Variants in KLK14 observed in about 807,000 individuals in gnomAD.
The protein encoded by KLK14 is kallikrein-14.
A neutral mutation model predicts 24.6 loss-of-function variants in KLK14; 21 were observed. That is an observed-to-expected ratio of 0.85 (90% CI 0.61 to 1.23). The LOEUF (loss-of-function observed/expected upper bound fraction) is 1.23. Among genes scored for constraint, KLK14 ranks in the 50% most tolerant of loss-of-function variants. The pLI is 0.00. For missense variants in KLK14, 320 were observed against 338.9 expected (o/e 0.94, Z 0.44); for synonymous variants, 133 against 139.7 (o/e 0.95, Z 0.34).
chr19:51,083,570 A>G (rs935621188), upstream of KLK14, among the ~76,000 whole-genome samples: 1 of 151,918 alleles, frequency 6.6e-6, no homozygotes, highest in Admixed American at 6.6e-5. Context: ...GAATACGAGC[A>G]CAGAGGCAGG....
chr19:51,079,593 G>C lies in KLK14; in HGVS notation c.322C>G (p.His108Asp). ...VTHPNYNSRT[H>D]DNDLMLLQLQ... ...TGCAGCAGCATGAGGTCGTTGTCGTGGGTCCGGGAGTTGTAGTTGGGGTGC... is the reference window on the plus strand; with the variant it reads ...TGCAGCAGCATGAGGTCGTTGTCGTCGGTCCGGGAGTTGTAGTTGGGGTGC... The change falls in exon 4 of 6, where the codon CAC becomes GAC. Residue 108 changes from histidine (H) to aspartate (D), a missense_variant. Coordinates refer to ENST00000650543, the MANE Select transcript of KLK14 (RefSeq NM_001369775.2). 2 of 1,613,852 alleles carry C rather than the reference G, an allele frequency of 1.2e-6. No homozygotes were observed. The highest frequency in any genetic ancestry group is 2.2e-5 in the South Asian group (2 of 91,024).
In KLK14 at chr19:51,078,965, C is replaced by A; in HGVS notation, c.467-14G>T. ...CGGGGTACCTGGCTGGGGGACACTG[C>A]AGGGTTATAACTGGGTCTACCCTCC... On this transcript the variant is annotated splice_polypyrimidine_tract_variant and intron_variant, in intron 4 of 5. Transcript: ENST00000650543. This position sits in a 1 kb window ranked among gnomAD's most constrained non-coding sequence, Gnocchi z 5.0. 3 of 1,612,654 alleles carry A rather than the reference C, an allele frequency of 1.9e-6. No homozygotes were observed. In the South Asian group the frequency reaches 3.3e-5, roughly 18 times the overall value.
At chr19:51,079,965 G>A (rs1047713526) in intron 3 of KLK14, among the ~76,000 whole-genome samples, 1 of 152,336 alleles carries the variant, frequency 6.6e-6, no homozygotes, top group East Asian at 1.9e-4. Flanking sequence ...GATTGGGAGA[G>A]CTTGGCTCCG....
chr19:51,082,659 G>A (rs2074064135), intron 1 of KLK14, 23 bp from the exon 2 acceptor site: 5 of 1,614,162 alleles, frequency 3.1e-6, no homozygotes, highest in Non-Finnish European at 4.2e-6. Context: ...GAGAAAAAGT[G>A]AGAGAGAAGG....
chr19:51,080,552 T>C (rs951973640), intron 3 of KLK14, among the ~76,000 whole-genome samples: 8 of 152,228 alleles, frequency 5.3e-5, no homozygotes, highest in African/African-American at 1.7e-4. Context: ...GTTTATGGCA[T>C]AGATATGGCT....
rs752566180 is a variant in KLK14 at position 51,078,874 on chromosome 19, T to C, written c.544A>G (p.Thr182Ala). ...GCACAGACCATGCCAGGCGTGATGG[T>C]TCTAGGATAGGCCTTCTGGCACACC... ...DEVCQKAYPR[T>A]ITPGMVCAGV... Residue 182 changes from threonine (T) to alanine (A), a missense_variant, in exon 5 of 6, where the codon ACC becomes GCC. Coordinates refer to ENST00000650543, the MANE Select transcript of KLK14 (RefSeq NM_001369775.2). This position sits in a 1 kb window ranked among gnomAD's most constrained non-coding sequence, Gnocchi z 5.0. 1.2e-6 allele frequency: 2 copies of C among 1,614,004 alleles called. No homozygotes were observed. Among genetic ancestry groups the C allele is most frequent in the South Asian group, 2.2e-5 (2 of 91,076 alleles).
intron 1 of KLK14, 32 bp downstream of exon 1, chr19:51,082,690 G>A (rs748910846): frequency 1.9e-5 from 30 of 1,614,036 alleles, no homozygotes; most frequent in African/African-American, 5.3e-5. Context: ...AGAACCGGGG[G>A]CTGAGAGGCA....
intron 3 of KLK14, among the ~76,000 whole-genome samples, chr19:51,081,235 G>A (rs916100097): frequency 2.0e-5 from 3 of 152,228 alleles, no homozygotes; most frequent in African/African-American, 4.8e-5. Flanking sequence ...AATGGGCTAA[G>A]CTTGGTCTCG....
At chr19:51,079,789 AC>A (rs1228945298) in intron 3 of KLK14, 87 bp from the exon 4 acceptor site, 2 of 1,477,806 alleles carry the variant, frequency 1.4e-6, no homozygotes, top group Non-Finnish European at 1.8e-6. Flanking sequence ...TGGCCGGGTG[AC>A]GAGTCTTCCC....
At chr19:51,082,225 C>T (rs1253635660) in intron 2 of KLK14, among the ~76,000 whole-genome samples, 1 of 152,146 alleles carries the variant, frequency 6.6e-6, no homozygotes, top group East Asian at 1.9e-4. Context: ...TCTCCACCTT[C>T]CCTCTGACAA....
chr19:51,080,128 T>C (rs1386795639), intron 3 of KLK14, among the ~76,000 whole-genome samples: 2 of 152,240 alleles, frequency 1.3e-5, no homozygotes, highest in Non-Finnish European at 2.9e-5. Context: ...TTTGACTCTA[T>C]GCTAAGATCA....
chr19:51,082,777 G>T lies in KLK14; in HGVS notation c.-78C>A. 3.7e-6 allele frequency: 6 copies of T among 1,610,756 alleles called. No homozygotes were observed. Among genetic ancestry groups the T allele is most frequent in the Non-Finnish European group, 4.2e-6 (5 of 1,178,680 alleles). ...ACACAGCAGAGAGGTAGGGACCAGA[G>T]ACGAGGGGGGCGGGGCCTGCAGGCT... On this transcript the variant is annotated 5_prime_UTR_variant, in exon 1 of 6. Transcript: ENST00000650543.
intron 3 of KLK14, among the ~76,000 whole-genome samples, chr19:51,080,032 G>A (rs1383823743): frequency 1.3e-5 from 2 of 152,196 alleles, no homozygotes; most frequent in African/African-American, 4.8e-5. Context: ...TGCGTTATGA[G>A]TCTAGGCTCT....
At chr19:51,080,131 T>C (rs996431000) in intron 3 of KLK14, among the ~76,000 whole-genome samples, 9 of 152,236 alleles carry the variant, frequency 5.9e-5, no homozygotes, top group Non-Finnish European at 8.8e-5. Flanking sequence ...GACTCTATGC[T>C]AAGATCAGGA....
At chr19:51,081,317 C>A (rs1337569403) in intron 3 of KLK14, among the ~76,000 whole-genome samples, 2 of 152,152 alleles carry the variant, frequency 1.3e-5, no homozygotes, top group Non-Finnish European at 2.9e-5. Flanking sequence ...GGGTTCCAAG[C>A]TGCCCATCTG....
Position 51,078,037 on chromosome 19 carries a change from G to A in KLK14, c.726C>T (p.Ser242=), listed in dbSNP as rs1182926338. The A allele has an allele frequency of 6.2e-7, 1 of 1,613,938 alleles. No homozygotes were observed. ...GVYTNLCKYR[S]WIEETMRDK is the part of the protein sequence containing the mutation. ...TGTCCCGCATCGTTTCCTCAATCCA[G>A]CTTCTGTACTTGCACAGGTTGGTGT... is the stretch of plus-strand genomic sequence containing the variant. The change falls in exon 6 of 6, where the codon AGC becomes AGT. Residue 242 remains serine (S), a synonymous_variant. Coordinates refer to ENST00000650543, the MANE Select transcript of KLK14 (RefSeq NM_001369775.2). The surrounding 1 kb of genome is among the most constrained non-coding windows in gnomAD (Gnocchi z 5.0).
chr19:51,083,265 G>A (rs1053035669), upstream of KLK14, among the ~76,000 whole-genome samples: 1 of 130,944 alleles, frequency 7.6e-6, no homozygotes, highest in Admixed American at 8.4e-5. Flanking sequence ...GAGAGAGGGA[G>A]TCACGGGAGG....
chr19:51,080,316 A>C (rs1462785403), intron 3 of KLK14, among the ~76,000 whole-genome samples: 1 of 152,148 alleles, frequency 6.6e-6, no homozygotes, highest in Non-Finnish European at 1.5e-5. Flanking sequence ...CTGGGATTAC[A>C]GGCGTGAGCC....
At position 51,078,659 on chromosome 19, in the gene KLK14, A is replaced by G. The variant is rs2032093937; in HGVS notation, c.603+156T>C. ...TCTGAGTCCATTACCCAGGGGGCAC[A>G]GGGCTAGGAAGCAGGGTGGCCTGGC... On this transcript the variant is annotated intron_variant, in intron 5 of 5. Transcript: ENST00000650543. The surrounding 1 kb of genome is among the most constrained non-coding windows in gnomAD (Gnocchi z 5.0). Among the ~76,000 whole-genome samples the G allele has an allele frequency of 6.6e-6, 1 of 152,140 alleles. No homozygotes were observed. Among genetic ancestry groups the G allele is most frequent in the Non-Finnish European group, 1.5e-5 (1 of 68,020 alleles).
Sources: allele counts gnomAD v4.1 joint callset (sites outside exome capture counted in the v4.1 genomes callset), GRCh38; gene constraint gnomAD v4.1.1; non-coding constraint Gnocchi (gnomAD v3.1); transcripts MANE v1.5; gene names NCBI Gene and HGNC (gene_info 2026-07-23, HGNC 2026-07-21).